LIMD1: variants seen among roughly 807,000 people sequenced by gnomAD.
LIMD1 encodes LIM domain containing 1, also known as LIM domain-containing protein 1.
Under a neutral mutation model 58.4 loss-of-function variants are expected in LIMD1, and 23 were observed. The observed-to-expected ratio is 0.39, with a 90% CI of 0.28 to 0.56. The LOEUF is 0.56. Among genes scored for constraint, LIMD1 ranks in the 20% least tolerant of loss-of-function variants. The pLI is 0.57. For synonymous variants in LIMD1, 334 were observed against 345.5 expected, an observed-to-expected ratio of 0.97 and a Z score of 0.37; for missense variants, 838 against 855.5, an observed-to-expected ratio of 0.98 and a Z score of 0.25.
rs947287046 is a variant in LIMD1, at chr3:45,685,813, T to C, written c.*8754T>C. 4 of 152,266 alleles carry C rather than the reference T, an allele frequency of 2.6e-5. No individual in the cohort carries two copies. The highest frequency in any genetic ancestry group is 9.6e-5 in the African/African-American group (4 of 41,474). The allele number at this position is 152,266 out of a possible 1,614,324, so 9.4% of individuals were successfully genotyped here. Reference sequence around the variant, plus strand: ...GGGGATAACAACTGAATTTACCTCATGGGATTGTGTAATGCCCAACCTTGT... The same window carrying C: ...GGGGATAACAACTGAATTTACCTCACGGGATTGTGTAATGCCCAACCTTGT... On this transcript the variant is annotated 3_prime_UTR_variant, in exon 8 of 8. Coordinates refer to ENST00000273317, the MANE Select transcript of LIMD1 (RefSeq NM_014240.3).
chr3:45,673,579 C>A, intron 6 of LIMD1, 74 bp downstream of exon 6: 1 of 1,198,744 alleles, frequency 8.3e-7, no homozygotes, highest in Non-Finnish European at 1.2e-6. Context: ...TTTACAAGAT[C>A]CATGTCCTGT....
intron 2 of LIMD1, among the ~76,000 whole-genome samples, chr3:45,641,463 C>A (rs777528605): frequency 1.9e-4 from 28 of 150,126 alleles, no homozygotes; most frequent in Non-Finnish European, 3.3e-4. Flanking sequence ...GTTTAAAACA[C>A]TATATATAGT....
intron 1 of LIMD1, among the ~76,000 whole-genome samples, chr3:45,629,256 T>C (rs1356665162): frequency 6.6e-6 from 1 of 151,180 alleles, no homozygotes; most frequent in Non-Finnish European, 1.5e-5. Flanking sequence ...CTACTAAAAA[T>C]ACAAAAATTA....
intron 1 of LIMD1, among the ~76,000 whole-genome samples, chr3:45,600,274 GC>G (rs1701398222): frequency 6.6e-6 from 1 of 152,142 alleles, no homozygotes; most frequent in South Asian, 2.1e-4. Context: ...GTTAGCTTGG[GC>G]CCCTTCCTAG....
chr3:45,663,968 G>A (rs1342296167), intron 2 of LIMD1, among the ~76,000 whole-genome samples: 1 of 148,864 alleles, frequency 6.7e-6, no homozygotes, highest in Non-Finnish European at 1.5e-5. Context: ...CCTCCTAGGT[G>A]CAGGCGATTC....
chr3:45,671,825 A>G (rs1697588702), intron 4 of LIMD1, among the ~76,000 whole-genome samples: 1 of 152,212 alleles, frequency 6.6e-6, no homozygotes. Context: ...CACTGACTTC[A>G]TAGGAATGAT....
At chr3:45,625,645 G>A (rs1225467738) in intron 1 of LIMD1, among the ~76,000 whole-genome samples, 1 of 152,098 alleles carries the variant, frequency 6.6e-6, no homozygotes, top group African/African-American at 2.4e-5. Flanking sequence ...TGAAGACTCT[G>A]CCCTTGTGAA....
At chr3:45,659,366 A>G (rs1697395601) in intron 2 of LIMD1, among the ~76,000 whole-genome samples, 1 of 152,162 alleles carries the variant, frequency 6.6e-6, no homozygotes, top group African/African-American at 2.4e-5. Flanking sequence ...TGGGCTGATC[A>G]CTTGAGCCCA....
intron 1 of LIMD1, among the ~76,000 whole-genome samples, chr3:45,601,766 A>T (rs1182632347): frequency 1.3e-5 from 2 of 152,146 alleles, no homozygotes; most frequent in African/African-American, 4.8e-5. Flanking sequence ...CTCCCATACC[A>T]GTCGGGATTT....
chr3:45,675,252 G>A (rs570016018), intron 7 of LIMD1, among the ~76,000 whole-genome samples: 7 of 152,320 alleles, frequency 4.6e-5, no homozygotes, highest in African/African-American at 1.4e-4. Flanking sequence ...ATAAGGGGCC[G>A]GGCGCGATAG....
chr3:45,623,849 G>A (rs1191786923), intron 1 of LIMD1, among the ~76,000 whole-genome samples: 1 of 152,168 alleles, frequency 6.6e-6, no homozygotes, highest in African/African-American at 2.4e-5. Flanking sequence ...CCCAAAACGG[G>A]ACCCTGTCTC....
At chr3:45,674,196 G>A (rs2578679) in intron 6 of LIMD1, 147 bp from the exon 7 acceptor site, 464,656 of 588,246 alleles carry the variant, frequency 0.79, 184,872 homozygotes, top group African/African-American at 0.92. Context: ...TCTTCTTCCA[G>A]TAAGTACTCC....
At chr3:45,621,927 G>T (rs867595361) in intron 1 of LIMD1, among the ~76,000 whole-genome samples, 6 of 152,140 alleles carry the variant, frequency 3.9e-5, no homozygotes, top group South Asian at 2.1e-4. Flanking sequence ...GCCAGGCATG[G>T]TGGTGCGTGC....
intron 1 of LIMD1, among the ~76,000 whole-genome samples, chr3:45,622,438 TTTAAA>T (rs2125654452): frequency 6.6e-6 from 1 of 152,242 alleles, no homozygotes; most frequent in African/African-American, 2.4e-5. Context: ...TATGATAAAC[TTTAAA>T]TTACATATCA....
chr3:45,671,518 G>T (rs1353842659), intron 4 of LIMD1, among the ~76,000 whole-genome samples: 4 of 152,178 alleles, frequency 2.6e-5, no homozygotes, highest in Admixed American at 2.6e-4. Flanking sequence ...CTGTAGTTCA[G>T]TTGTTTTTGC....
At chr3:45,652,716 G>A (rs530044515) in intron 2 of LIMD1, among the ~76,000 whole-genome samples, 35 of 152,208 alleles carry the variant, frequency 2.3e-4, no homozygotes, top group Non-Finnish European at 4.0e-4. Flanking sequence ...GCCAGGCACT[G>A]TTCTTGCGAA....
In LIMD1 at chr3:45,668,754, A is replaced by G. The variant is rs1697551975; in HGVS notation, c.1641+398A>G. Among the ~76,000 whole-genome samples, 3 of 8,648 alleles carry G rather than the reference A, an allele frequency of 3.5e-4. No individual in the cohort carries two copies. The Admixed American group carries it at 6.7e-3, about 19-fold the overall frequency. 5.7% of individuals were successfully genotyped at this position (8,648 alleles called of 152,430 possible). ...GGCAACAGAGTGAGACTCCACCTCAAAAAAAAAAAAAAAGTCCCTGTAAAG... is the reference window on the plus strand; with the variant it reads ...GGCAACAGAGTGAGACTCCACCTCAGAAAAAAAAAAAAAGTCCCTGTAAAG... On this transcript the variant is annotated intron_variant, in intron 4 of 7. Transcript: ENST00000273317.
Position 45,595,057 on chromosome 3 carries a change from C to T in LIMD1, c.178C>T (p.Gln60Ter). 6.2e-7 allele frequency: 1 copy of T among 1,613,672 alleles called. No individual in the cohort carries two copies. Among genetic ancestry groups the T allele is most frequent in the Non-Finnish European group, 8.5e-7 (1 of 1,179,996 alleles). The change falls in exon 1 of 8, where the codon CAG becomes TAG. Residue 60 changes from glutamine (Q) to a stop codon, truncating the protein, a stop_gained. Coordinates refer to ENST00000273317, the MANE Select transcript of LIMD1 (RefSeq NM_014240.3). LOFTEE classifies it high-confidence loss of function. ...TKMAKIHLQQQQQQLLQEETL... is the reference protein window; with the variant it reads ...TKMAKIHLQQ The stretch of plus-strand genomic sequence containing the variant: ...GATGGCCAAAATCCACCTCCAGCAG[C>T]AGCAGCAGCAGCTCCTGCAGGAGGA...
intron 4 of LIMD1, among the ~76,000 whole-genome samples, chr3:45,670,373 A>G (rs1273223576): frequency 3.9e-5 from 6 of 151,958 alleles, no homozygotes; most frequent in Non-Finnish European, 8.8e-5. Context: ...GTTTAAAACA[A>G]TAGTGATTTC....
Sources: gnomAD v4.1 joint callset for allele counts (sites outside exome capture counted in the v4.1 genomes callset) on GRCh38, gnomAD v4.1.1 for gene constraint, MANE v1.5 for transcripts, NCBI Gene and HGNC (gene_info 2026-07-23, HGNC 2026-07-21) for gene names.